The following FMN1 variants were observed in gnomAD, a reference collection of about 807,000 sequenced individuals.
The protein encoded by FMN1 is formin 1.
A neutral mutation model predicts 132.4 loss-of-function variants in FMN1; 110 were observed. The ratio of observed to expected loss-of-function variants is 0.83; its 90% CI spans 0.71 to 0.97. The LOEUF (loss-of-function observed/expected upper bound fraction) is 0.97. FMN1 is among the 50% of genes least tolerant of loss of function. The pLI is 0.00. For synonymous variants in FMN1, 722 were observed against 651.7 expected, an observed-to-expected ratio of 1.11 and a Z score of -1.64; for missense variants, 1,792 against 1,705.3, an observed-to-expected ratio of 1.05 and a Z score of -0.90.
At chr15:33,024,982 C>G (rs886708103) in intron 6 of FMN1, among the ~76,000 whole-genome samples, 4 of 152,068 alleles carry the variant, frequency 2.6e-5, no homozygotes, top group Non-Finnish European at 2.9e-5. Context: ...ATAGTGGAAG[C>G]CATTTTGTAG....
intron 11 of FMN1, among the ~76,000 whole-genome samples, chr15:32,908,897 T>A (rs1354303427): frequency 1.3e-5 from 2 of 152,164 alleles, no homozygotes; most frequent in Non-Finnish European, 2.9e-5. Context: ...TACTTTTGAA[T>A]CCCCCATCTC....
In FMN1 at chr15:32,960,995, C is replaced by CAA. The variant is rs539245532; in HGVS notation, c.3138+3110_3138+3111dup. On this transcript the variant is annotated intron_variant, in intron 9 of 20. Coordinates refer to ENST00000616417, the MANE Select transcript of FMN1 (RefSeq NM_001277313.2). ...AGATGACAAGAGTGAGACTCCGTCT[C>CAA]AAAAAAAAAAAAAAAAAAAAAAAAG... Among the ~76,000 whole-genome samples the CAA allele has an allele frequency of 6.2e-3, 367 of 59,024 alleles. 11 individuals are homozygous for CAA. Among genetic ancestry groups the CAA allele is most frequent in the African/African-American group, 0.02 (226 of 11,172 alleles). 38.7% of individuals were successfully genotyped at this position (59,024 alleles called of 152,430 possible).
At chr15:33,040,700 A>G (rs549474939) in intron 6 of FMN1, among the ~76,000 whole-genome samples, 4 of 152,376 alleles carry the variant, frequency 2.6e-5, no homozygotes, top group Admixed American at 6.5e-5. Context: ...AACAAAATCA[A>G]GGGAAATCCC....
intron 9 of FMN1, among the ~76,000 whole-genome samples, chr15:32,930,466 TG>T (rs1326941973): frequency 6.6e-6 from 1 of 152,074 alleles, no homozygotes; most frequent in Non-Finnish European, 1.5e-5. Context: ...TATCTCATTG[TG>T]ATTTTGAATT....
intron 17 of FMN1, among the ~76,000 whole-genome samples, chr15:32,839,581 T>C (rs1729503381): frequency 6.6e-6 from 1 of 152,122 alleles, no homozygotes; most frequent in African/African-American, 2.4e-5. Context: ...AAACATAGTT[T>C]CTTTTATCTG....
chr15:33,171,718 C>G (rs1402620616), intron 3 of FMN1, among the ~76,000 whole-genome samples: 1 of 151,976 alleles, frequency 6.6e-6, no homozygotes, highest in Admixed American at 6.6e-5. Flanking sequence ...TAATTTCCTT[C>G]CCAGACCCAA....
At chr15:32,977,581 G>C (rs1027574717) in intron 7 of FMN1, among the ~76,000 whole-genome samples, 2 of 152,136 alleles carry the variant, frequency 1.3e-5, no homozygotes, top group South Asian at 4.2e-4. Context: ...TTTTATATAT[G>C]TCTGAAATGA....
intron 17 of FMN1, among the ~76,000 whole-genome samples, chr15:32,842,715 CA>C (rs1261605595): frequency 6.6e-6 from 1 of 151,468 alleles, no homozygotes; most frequent in African/African-American, 2.4e-5. Flanking sequence ...CATTTTTTAG[CA>C]AGTTTGATGG....
chr15:32,779,112 T>C (rs1289783663), intron 19 of FMN1, among the ~76,000 whole-genome samples: 1 of 152,132 alleles, frequency 6.6e-6, no homozygotes, highest in Non-Finnish European at 1.5e-5. Context: ...GGCAAATCCA[T>C]ACAGAAAGTA....
At chr15:33,102,649 A>T (rs1343308417) in intron 4 of FMN1, among the ~76,000 whole-genome samples, 1 of 152,136 alleles carries the variant, frequency 6.6e-6, no homozygotes, top group South Asian at 2.1e-4. Flanking sequence ...AAGCCCATGG[A>T]GTTTGCCTCG....
At chr15:33,014,588 G>A (rs1318794408) in intron 6 of FMN1, among the ~76,000 whole-genome samples, 1 of 152,138 alleles carries the variant, frequency 6.6e-6, no homozygotes, top group African/African-American at 2.4e-5. Context: ...TGTAGTCCAT[G>A]AAAGACAGAG....
intron 6 of FMN1, among the ~76,000 whole-genome samples, chr15:33,023,457 A>G (rs1354097585): frequency 2.6e-5 from 4 of 152,202 alleles, no homozygotes; most frequent in African/African-American, 4.8e-5. Context: ...GGCAAGAATA[A>G]TAATCATCAT....
At chr15:32,875,482 A>G (rs2059615762) in intron 16 of FMN1, among the ~76,000 whole-genome samples, 1 of 151,756 alleles carries the variant, frequency 6.6e-6, no homozygotes, top group Admixed American at 6.6e-5. Flanking sequence ...TAGGTTAGTA[A>G]GTGGCATGGC....
chr15:33,000,714 T>C (rs1036681238), intron 7 of FMN1, among the ~76,000 whole-genome samples: 1 of 152,220 alleles, frequency 6.6e-6, no homozygotes, highest in Non-Finnish European at 1.5e-5. Context: ...ATTAGGGTAG[T>C]ATCCCAAACA....
At chr15:33,100,223 TA>T (rs61200336) in intron 4 of FMN1, among the ~76,000 whole-genome samples, 65,212 of 115,260 alleles carry the variant, frequency 0.57, 16,177 homozygotes, top group East Asian at 0.69. Context: ...ACTTTCACAG[TA>T]AAAAAAAAAA....
At chr15:32,965,404 A>G (rs1004066316) in intron 8 of FMN1, among the ~76,000 whole-genome samples, 1 of 152,076 alleles carries the variant, frequency 6.6e-6, no homozygotes, top group Non-Finnish European at 1.5e-5. Flanking sequence ...CATCTCAAAA[A>G]TAATAATAAT....
chr15:33,007,867 C>A, intron 7 of FMN1, 147 bp downstream of exon 7: 1 of 546,200 alleles, frequency 1.8e-6, no homozygotes, highest in Non-Finnish European at 3.2e-6. Flanking sequence ...TTTTCATTCC[C>A]TGTATAGACA....
chr15:32,966,826 T>C (rs1013551131), intron 8 of FMN1, among the ~76,000 whole-genome samples: 1 of 152,242 alleles, frequency 6.6e-6, no homozygotes, highest in Non-Finnish European at 1.5e-5. Flanking sequence ...GCCTCCTTTA[T>C]GAGAAGGTAT....
intron 17 of FMN1, among the ~76,000 whole-genome samples, chr15:32,848,242 A>G (rs117028772): frequency 3.3e-5 from 5 of 152,220 alleles, no homozygotes; most frequent in African/African-American, 9.6e-5. Context: ...GACGCCTGAA[A>G]CTGAAGTGAT....
Sources: allele counts gnomAD v4.1 joint callset (sites outside exome capture counted in the v4.1 genomes callset), GRCh38; gene constraint gnomAD v4.1.1; transcripts MANE v1.5; gene names NCBI Gene and HGNC (gene_info 2026-07-23, HGNC 2026-07-21).